ZNF385D: variants seen among roughly 807,000 people sequenced by gnomAD.
The protein encoded by ZNF385D is zinc finger protein 659.
ZNF385D carries 15 observed loss-of-function variants against 35.8 expected under a neutral mutation model. The observed-to-expected ratio is 0.42, with a 90% CI of 0.28 to 0.64. ZNF385D has a LOEUF of 0.64. ZNF385D is among the 30% of genes least tolerant of loss of function. The pLI is 0.23. For synonymous variants in ZNF385D, 212 were observed against 186.8 expected, an observed-to-expected ratio of 1.13 and a Z score of -1.10; for missense variants, 474 against 494.6, an observed-to-expected ratio of 0.96 and a Z score of 0.39.
intron 3 of ZNF385D, among the ~76,000 whole-genome samples, chr3:21,820,296 A>G (rs2125732313): frequency 6.6e-6 from 1 of 151,992 alleles, no homozygotes; most frequent in East Asian, 1.9e-4. Context: ...ACAATTAAAA[A>G]TAAATGGAGA....
rs547070237 is a variant in ZNF385D, at chr3:22,072,935, C to G, written c.325+95882G>C. On this transcript the variant is annotated intron_variant, in intron 3 of 5. Coordinates refer to the ZNF385D transcript ENST00000494108. ...TCAGGGCCAAGAGAAAAGCATTTGT[C>G]CTGAGCACATAGAGAAGGGAGGCCA... Among the ~76,000 whole-genome samples, 180 of 152,026 alleles carry G rather than the reference C, an allele frequency of 1.2e-3. 1 individual carries two copies. Among genetic ancestry groups the G allele is most frequent in the Non-Finnish European group, 2.1e-3 (145 of 67,930 alleles).
chr3:22,340,110 G>A (rs1316478636), intron 2 of ZNF385D, among the ~76,000 whole-genome samples: 1 of 152,160 alleles, frequency 6.6e-6, no homozygotes, highest in African/African-American at 2.4e-5. Context: ...ATCCATGAAT[G>A]AAAATAGAAC....
At chr3:21,924,015 T>C (rs1389758156) in intron 3 of ZNF385D, among the ~76,000 whole-genome samples, 2 of 152,170 alleles carry the variant, frequency 1.3e-5, no homozygotes, top group Non-Finnish European at 2.9e-5. Flanking sequence ...AAACAATATA[T>C]TTATGCCTCA....
At chr3:22,040,169 A>G (rs577093841) in intron 3 of ZNF385D, among the ~76,000 whole-genome samples, 15 of 152,130 alleles carry the variant, frequency 9.9e-5, no homozygotes, top group African/African-American at 1.9e-4. Context: ...CATTACCCTC[A>G]TGATTTTCCT....
At chr3:21,918,445 T>C (rs1700299806) in intron 3 of ZNF385D, among the ~76,000 whole-genome samples, 1 of 103,872 alleles carries the variant, frequency 9.6e-6, no homozygotes, top group Non-Finnish European at 2.6e-5. Flanking sequence ...AGTGAAGAGT[T>C]TGTAATTCTA....
intron 3 of ZNF385D, among the ~76,000 whole-genome samples, chr3:22,162,309 T>C (rs4543033): frequency 0.22 from 33,851 of 152,098 alleles, 4,097 homozygotes; most frequent in Non-Finnish European, 0.28. Context: ...GGAACAGCTT[T>C]GAAAAGCTGT....
chr3:21,974,024 C>T (rs887344618), intron 3 of ZNF385D, among the ~76,000 whole-genome samples: 11 of 151,692 alleles, frequency 7.3e-5, no homozygotes, highest in African/African-American at 2.7e-4. Flanking sequence ...TCAATAAATG[C>T]CTATCAAAAT....
intron 4 of ZNF385D, among the ~76,000 whole-genome samples, chr3:21,456,753 T>TAAA (rs1702849600): frequency 7.7e-6 from 1 of 129,642 alleles, no homozygotes; most frequent in African/African-American, 3.3e-5. Context: ...AAATAAATAA[T>TAAA]TAAAAAAGAG....
intron 2 of ZNF385D, among the ~76,000 whole-genome samples, chr3:22,341,038 C>CA (rs1200479678): frequency 2.0e-5 from 3 of 152,184 alleles, no homozygotes; most frequent in African/African-American, 7.2e-5. Flanking sequence ...CAAGGTCTTT[C>CA]AAAACAGAGT....
chr3:22,171,742 T>C lies in ZNF385D; in HGVS notation c.107-2707A>G, dbSNP rs187356266. On this transcript the variant is annotated intron_variant, in intron 2 of 5. Coordinates refer to the ZNF385D transcript ENST00000494108. ...AATACAAGAAATTAGCCGGGCGTGG[T>C]GCCAGGCGCCTGTAGTTCCAGCTAC... Among the ~76,000 whole-genome samples, 291 of 151,848 alleles carry C rather than the reference T, an allele frequency of 1.9e-3. 1 individual carries two copies. Among genetic ancestry groups the C allele is most frequent in the Admixed American group, 3.3e-3 (51 of 15,246 alleles).
chr3:22,125,914 T>G (rs889351586), intron 3 of ZNF385D, among the ~76,000 whole-genome samples: 4 of 152,248 alleles, frequency 2.6e-5, no homozygotes, highest in African/African-American at 9.6e-5. Flanking sequence ...TTCTTTCTCT[T>G]CCCTGATTCA....
chr3:21,808,500 G>A (rs2072756501), intron 3 of ZNF385D, among the ~76,000 whole-genome samples: 1 of 152,174 alleles, frequency 6.6e-6, no homozygotes, highest in Non-Finnish European at 1.5e-5. Flanking sequence ...CACTGGGCAT[G>A]GCCATTGCAG....
intron 2 of ZNF385D, among the ~76,000 whole-genome samples, chr3:22,353,428 T>C (rs2125500005): frequency 1.3e-5 from 2 of 152,284 alleles, no homozygotes; most frequent in East Asian, 3.9e-4. Context: ...GATTTATTGT[T>C]GCAGTCTCTG....
chr3:22,082,391 G>A (rs896732265), intron 3 of ZNF385D, among the ~76,000 whole-genome samples: 1 of 152,142 alleles, frequency 6.6e-6, no homozygotes, highest in African/African-American at 2.4e-5. Flanking sequence ...GGCACACCAG[G>A]GGATTATATT....
intron 3 of ZNF385D, among the ~76,000 whole-genome samples, chr3:22,041,458 C>G (rs553346085): frequency 6.6e-6 from 1 of 152,166 alleles, no homozygotes; most frequent in Admixed American, 6.5e-5. Flanking sequence ...TTAAGCAAAA[C>G]CACAATTAAA....
intron 3 of ZNF385D, among the ~76,000 whole-genome samples, chr3:22,078,187 C>T (rs905556452): frequency 6.6e-6 from 1 of 151,618 alleles, no homozygotes. Flanking sequence ...AAATGTTTAA[C>T]AAACACCTTT....
At chr3:21,478,274 G>A (rs1478327502) in intron 4 of ZNF385D, among the ~76,000 whole-genome samples, 1 of 151,976 alleles carries the variant, frequency 6.6e-6, no homozygotes, top group African/African-American at 2.4e-5. Flanking sequence ...CAAATATTTT[G>A]AATATTTGAA....
rs141242476 is a variant in ZNF385D, at chr3:21,710,428, T to C, written c.22+40467A>G. The stretch of plus-strand genomic sequence containing the variant: ...AAAACCCAATTTATTTTTTATAAAG[T>C]TCAACTGTATGGCTTTTTCTGAATT... On this transcript the variant is annotated intron_variant, in intron 1 of 7. Coordinates refer to ENST00000281523, the MANE Select transcript of ZNF385D (RefSeq NM_024697.3). Among the ~76,000 whole-genome samples, 476 of 152,282 alleles carry C rather than the reference T, an allele frequency of 3.1e-3. 1 individual carries two copies. The highest frequency in any genetic ancestry group is 0.011 in the African/African-American group (451 of 41,548).
intron 2 of ZNF385D, among the ~76,000 whole-genome samples, chr3:21,578,070 C>T (rs866517110): frequency 6.6e-6 from 1 of 152,090 alleles, no homozygotes; most frequent in Non-Finnish European, 1.5e-5. Context: ...CTGGTCCCGG[C>T]TTCCCAAAGT....
Sources: allele counts gnomAD v4.1 joint callset (sites outside exome capture counted in the v4.1 genomes callset), GRCh38; gene constraint gnomAD v4.1.1; transcripts MANE v1.5; gene names NCBI Gene and HGNC (gene_info 2026-07-23, HGNC 2026-07-21).